Variants in ITGA1 observed in about 807,000 individuals in gnomAD.
The protein encoded by ITGA1 is integrin alpha-1.
Under a neutral mutation model 145.9 loss-of-function variants are expected in ITGA1, and 85 were observed. That is an observed-to-expected ratio of 0.58 (90% CI 0.49 to 0.70). The LOEUF (loss-of-function observed/expected upper bound fraction) is 0.70. Among genes scored for constraint, ITGA1 ranks in the 30% least tolerant of loss-of-function variants. The pLI is 0.00. For synonymous variants in ITGA1, 520 were observed against 495.3 expected, an observed-to-expected ratio of 1.05 and a Z score of -0.66; for missense variants, 1,351 against 1,418.7, an observed-to-expected ratio of 0.95 and a Z score of 0.77.
chr5:52,865,124 A>G, intron 5 of ITGA1, 42 bp downstream of exon 5: 3 of 1,375,424 alleles, frequency 2.2e-6, no homozygotes, highest in African/African-American at 1.4e-5. Flanking sequence ...TGAAAAGCCT[A>G]TGCAATGAAT....
intron 11 of ITGA1, among the ~76,000 whole-genome samples, chr5:52,899,228 T>C (rs1750277948): frequency 6.6e-6 from 1 of 152,190 alleles, no homozygotes; most frequent in African/African-American, 2.4e-5. Flanking sequence ...CGTGTTAGCC[T>C]TCCTCTCTGG....
At chr5:52,827,686 C>T (rs935519355) in intron 1 of ITGA1, among the ~76,000 whole-genome samples, 1 of 152,188 alleles carries the variant, frequency 6.6e-6, no homozygotes, top group South Asian at 2.1e-4. Flanking sequence ...CCTTCAGCAA[C>T]CACCACCCTG....
At chr5:52,885,961 A>G (rs1750039773) in intron 7 of ITGA1, among the ~76,000 whole-genome samples, 3 of 152,232 alleles carry the variant, frequency 2.0e-5, no homozygotes, top group Admixed American at 2.0e-4. Flanking sequence ...ATTGCCTATA[A>G]ATTCAATTCT....
chr5:52,814,046 A>G (rs1414709941), intron 1 of ITGA1, among the ~76,000 whole-genome samples: 2 of 152,032 alleles, frequency 1.3e-5, no homozygotes, highest in African/African-American at 2.4e-5. Flanking sequence ...GACTGGCAGG[A>G]CTCCAGATCC....
intron 6 of ITGA1, among the ~76,000 whole-genome samples, chr5:52,877,001 A>G (rs1223735670): frequency 6.6e-6 from 1 of 152,186 alleles, no homozygotes; most frequent in Non-Finnish European, 1.5e-5. Flanking sequence ...GGGTGAATGG[A>G]GAATTTAGCA....
rs1750752281 is a variant in ITGA1 at position 52,922,948 on chromosome 5, A to C, written c.2403+61A>C. 2.6e-5 allele frequency: 26 copies of C among 996,624 alleles called. No individual in the cohort carries two copies. In the South Asian group the frequency reaches 3.3e-4, roughly 13 times the overall value. The allele number at this position is 996,624 out of a possible 1,614,324, so 61.7% of individuals were successfully genotyped here. On this transcript the variant is annotated intron_variant, in intron 18 of 28. Transcript: ENST00000282588. ...TTGTGAACATTTTAATGTCACTAGT[A>C]AACTGTGTTTTTTCACTACTCTGCA...
intron 1 of ITGA1, among the ~76,000 whole-genome samples, chr5:52,817,113 A>T (rs1297296929): frequency 6.6e-6 from 1 of 152,168 alleles, no homozygotes; most frequent in Non-Finnish European, 1.5e-5. Flanking sequence ...TATTTGAGGA[A>T]TTTTTTTCCA....
intron 7 of ITGA1, among the ~76,000 whole-genome samples, chr5:52,887,500 G>A (rs138465886): frequency 6.6e-6 from 1 of 152,266 alleles, no homozygotes; most frequent in East Asian, 1.9e-4. Flanking sequence ...TACAGATCTG[G>A]CCTTCTCTGA....
intron 27 of ITGA1, among the ~76,000 whole-genome samples, chr5:52,946,239 T>C (rs979504572): frequency 1.3e-5 from 2 of 152,192 alleles, no homozygotes; most frequent in Non-Finnish European, 2.9e-5. Context: ...TACATATGTT[T>C]AAAATCTGCC....
intron 28 of ITGA1, among the ~76,000 whole-genome samples, chr5:52,949,295 CTCTTT>C (rs1293057988): frequency 1.3e-5 from 2 of 152,146 alleles, no homozygotes; most frequent in Non-Finnish European, 2.9e-5. Flanking sequence ...TATGAACCTC[CTCTTT>C]TAAGTGAAGA....
At chr5:52,855,585 A>G (rs1213764319) in intron 2 of ITGA1, among the ~76,000 whole-genome samples, 1 of 152,210 alleles carries the variant, frequency 6.6e-6, no homozygotes, top group Non-Finnish European at 1.5e-5. Flanking sequence ...GGAATAGAGA[A>G]CAAAAATTAA....
chr5:52,871,512 T>C (rs1749775526), intron 6 of ITGA1, among the ~76,000 whole-genome samples: 1 of 152,108 alleles, frequency 6.6e-6, no homozygotes, highest in African/African-American at 2.4e-5. Flanking sequence ...ATTCCTATTC[T>C]CTGCAGTCAT....
chr5:52,820,668 A>G (rs1748864709), intron 1 of ITGA1, among the ~76,000 whole-genome samples: 1 of 152,168 alleles, frequency 6.6e-6, no homozygotes, highest in Non-Finnish European at 1.5e-5. Context: ...ACTCTGGGAC[A>G]TACAGACAAG....
chr5:52,923,662 C>T (rs185113415), intron 18 of ITGA1, among the ~76,000 whole-genome samples: 332 of 152,228 alleles, frequency 2.2e-3, no homozygotes, highest in African/African-American at 7.7e-3. Flanking sequence ...TTTTCCAATC[C>T]TTCTAATTTC....
rs139957483 is a variant in ITGA1, at chr5:52,865,796, T to C, written c.603T>C (p.Asp201=). The stretch of plus-strand genomic sequence containing the variant: ...TAAATGACCTTCTTGAAAGAATGGA[T>C]ATTGGTCCTAAACAGACACAGGTAT... The part of the protein sequence containing the change: ...AFLNDLLERM[D]IGPKQTQVGI... Residue 201 remains aspartate, a synonymous_variant, in exon 6 of 29, where the codon GAT becomes GAC. Transcript: ENST00000282588. The C allele has an allele frequency of 6.2e-6, 10 of 1,600,414 alleles. No individual in the cohort carries two copies. The highest frequency in any genetic ancestry group is 8.5e-6 in the Non-Finnish European group (10 of 1,174,912).
intron 26 of ITGA1, 68 bp from the exon 27 acceptor site, chr5:52,944,875 C>G (rs1333627417): frequency 7.3e-6 from 8 of 1,090,308 alleles, no homozygotes; most frequent in Admixed American, 1.9e-5. Context: ...AAATGTCCTA[C>G]TCAAACATGA....
At chr5:52,870,232 AAG>A (rs1749757618) in intron 6 of ITGA1, among the ~76,000 whole-genome samples, 1 of 152,146 alleles carries the variant, frequency 6.6e-6, no homozygotes, top group South Asian at 2.1e-4. Context: ...CTTTTAATGA[AAG>A]CATTCAATTC....
chr5:52,913,842 A>G (rs2111861563), intron 14 of ITGA1, among the ~76,000 whole-genome samples: 1 of 152,324 alleles, frequency 6.6e-6, no homozygotes, highest in African/African-American at 2.4e-5. Context: ...TGAACAGAAT[A>G]AAGGGCTTAT....
chr5:52,800,665 A>G, intron 1 of ITGA1: 1 of 1,614,112 alleles, frequency 6.2e-7, no homozygotes, highest in East Asian at 2.2e-5. Flanking sequence ...CATCCAAGAG[A>G]ATGAGTATGT....
Sources: allele counts gnomAD v4.1 joint callset (sites outside exome capture counted in the v4.1 genomes callset), GRCh38; gene constraint gnomAD v4.1.1; transcripts MANE v1.5; gene names NCBI Gene and HGNC (gene_info 2026-07-23, HGNC 2026-07-21).